The following SLC9A8 variants were observed in gnomAD, a reference collection of about 807,000 sequenced individuals.
The protein encoded by SLC9A8 is sodium/hydrogen exchanger 8.
In SLC9A8, 48 loss-of-function variants were observed where a neutral mutation model predicts 66.6. That is an observed-to-expected ratio of 0.72 (90% confidence interval 0.57 to 0.92). The LOEUF (loss-of-function observed/expected upper bound fraction) is 0.92, where lower values mean the gene tolerates loss of function less well. Ranked by LOEUF, SLC9A8 falls within the 40% of genes least tolerant of loss-of-function variation. The probability of loss-of-function intolerance (pLI) is 0.00; values close to 1 mark genes in which losing one functional copy is unlikely to be tolerated. For synonymous variants in SLC9A8, 274 were observed against 282.6 expected (o/e 0.97, Z 0.31); for missense variants, 599 against 747.3 (o/e 0.80, Z 2.31).
chr20:49,870,602 C>A (rs2089174856), intron 10 of SLC9A8, among the ~76,000 whole-genome samples: 1 of 152,100 alleles, frequency 6.6e-6, no homozygotes, highest in Non-Finnish European at 1.5e-5. Context: ...AGTATATGCA[C>A]CACGACAAGA....
chr20:49,885,935 A>AC (rs2089873675), intron 14 of SLC9A8, among the ~76,000 whole-genome samples: 1 of 152,162 alleles, frequency 6.6e-6, no homozygotes, highest in Non-Finnish European at 1.5e-5. Flanking sequence ...GCCCATTCAG[A>AC]CCTACTGAAT....
intron 7 of SLC9A8, among the ~76,000 whole-genome samples, chr20:49,853,027 A>G (rs17786130): frequency 0.078 from 11,862 of 152,224 alleles, 495 homozygotes; most frequent in African/African-American, 0.097. Context: ...CGTTGCCCCA[A>G]CCTTTTATTA....
chr20:49,855,412 T>C, intron 7 of SLC9A8, 26 bp from the exon 8 acceptor site: 3 of 1,611,256 alleles, frequency 1.9e-6, no homozygotes, highest in Non-Finnish European at 2.5e-6. Flanking sequence ...CATTACAGAA[T>C]CTCCCCTTCC....
intron 6 of SLC9A8, among the ~76,000 whole-genome samples, chr20:49,850,117 A>G (rs912642630): frequency 6.6e-6 from 1 of 152,192 alleles, no homozygotes; most frequent in Admixed American, 6.5e-5. Context: ...GAAATAATAA[A>G]ATCAAAGGTG....
In SLC9A8 at chr20:49,823,141, G is replaced by GGTGT; in HGVS notation, c.289+2_289+3insGTGT. ...AGAGAGTGTTGCTGTTGTTTCTTTA[G>GGTGT]GTAAGTGTGTATTGGTGATTCCATA... is the stretch of plus-strand genomic sequence containing the variant. On this transcript the variant is annotated frameshift_variant and splice_region_variant. Coordinates refer to ENST00000361573, the MANE Select transcript of SLC9A8 (RefSeq NM_015266.3). LOFTEE classifies it high-confidence loss of function. 6.2e-7 allele frequency: 1 copy of GGTGT among 1,608,546 alleles called. No individual in the cohort carries two copies. Among genetic ancestry groups the GGTGT allele is most frequent in the Non-Finnish European group, 8.5e-7 (1 of 1,176,088 alleles).
intron 5 of SLC9A8, among the ~76,000 whole-genome samples, chr20:49,847,582 G>A (rs1244177031): frequency 6.6e-6 from 1 of 152,036 alleles, no homozygotes; most frequent in Admixed American, 6.5e-5. Flanking sequence ...ATGATAGGAA[G>A]TAAAGTTTGA....
chr20:49,887,919 G>T lies in SLC9A8; in HGVS notation c.1729G>T (p.Glu577Ter), dbSNP rs368727852. ...GGGCCCCTCCGGCTCCGAGGACGAC[G>T]AGCAGGAGCTGCTCTGACGCCAGGT... Reference protein sequence around the residue: ...RQGPSGSEDDEQELL With the variant: ...RQGPSGSEDD The change falls in exon 16 of 16, where the codon GAG becomes TAG. Residue 577 changes from glutamate to a stop codon, truncating the protein, a stop_gained. Coordinates refer to ENST00000361573, the MANE Select transcript of SLC9A8 (RefSeq NM_015266.3). LOFTEE classifies it high-confidence loss of function. The T allele has an allele frequency of 6.2e-7, 1 of 1,613,594 alleles. No homozygotes were observed. The highest frequency in any genetic ancestry group is 8.5e-7 in the Non-Finnish European group (1 of 1,179,796).
chr20:49,813,173 C>G (rs575116329), intron 1 of SLC9A8, among the ~76,000 whole-genome samples: 1 of 152,344 alleles, frequency 6.6e-6, no homozygotes, highest in African/African-American at 2.4e-5. Flanking sequence ...GAATCTACTG[C>G]CCAGCGCAGG....
intron 3 of SLC9A8, among the ~76,000 whole-genome samples, chr20:49,838,691 C>T (rs1307448264): frequency 2.6e-5 from 4 of 152,162 alleles, no homozygotes; most frequent in African/African-American, 9.7e-5. Context: ...CTCCTTCCTC[C>T]ATGGGAAAGT....
At chr20:49,815,402 G>T in intron 2 of SLC9A8, 1 of 404,816 alleles carries the variant, frequency 2.5e-6, no homozygotes, top group Non-Finnish European at 4.3e-6. Context: ...CTGAAGAGCT[G>T]TTGATGTAAT....
At chr20:49,846,574 TTTA>T (rs1268797205) in intron 5 of SLC9A8, among the ~76,000 whole-genome samples, 1 of 151,956 alleles carries the variant, frequency 6.6e-6, no homozygotes, top group Non-Finnish European at 1.5e-5. Context: ...AAAAATGTCA[TTTA>T]TTATTAATAA....
At chr20:49,878,114 A>G (rs200054503) in intron 12 of SLC9A8, 51 bp downstream of exon 12, 2 of 1,083,974 alleles carry the variant, frequency 1.8e-6, no homozygotes, top group Non-Finnish European at 1.3e-6. Context: ...TTGTAGATCA[A>G]TAAACACATG....
rs769335195 is a variant in SLC9A8 at position 49,877,968 on chromosome 20, T to C, written c.1076-13T>C. On this transcript the variant is annotated splice_polypyrimidine_tract_variant and intron_variant, in intron 11 of 15. Transcript: ENST00000361573. ...CATTGGGGTTGAATAATCCATTCTT[T>C]GGTTTGTTTCAGAAACATGTGTGTT... 6.4e-7 allele frequency: 1 copy of C among 1,573,902 alleles called. No homozygotes were observed.
chr20:49,878,171 A>G lies in SLC9A8; in HGVS notation c.1158+108A>G, dbSNP rs113420971. The G allele has an allele frequency of 1.4e-3, 806 of 574,870 alleles. 4 individuals carry two copies. The African/African-American group carries it at 0.015, about 10-fold the overall frequency. 35.6% of individuals were successfully genotyped at this position (574,870 alleles called of 1,614,324 possible). On this transcript the variant is annotated intron_variant, in intron 12 of 15. Transcript: ENST00000361573. Reference sequence around the variant, plus strand: ...TGTTAACTGTTCAAAGTCAACAGCTACATAGACACTCTTTTGTTTAAAGTT... The same window carrying G: ...TGTTAACTGTTCAAAGTCAACAGCTGCATAGACACTCTTTTGTTTAAAGTT...
At chr20:49,829,909 T>A in intron 3 of SLC9A8, 1 of 576,954 alleles carries the variant, frequency 1.7e-6, no homozygotes, top group South Asian at 1.4e-5. Context: ...CCAAATCCCC[T>A]CTGAAAAGAA....
rs916945537 is a variant in SLC9A8, at chr20:49,892,201, T to C, written c.*4265T>C. On this transcript the variant is annotated 3_prime_UTR_variant, in exon 16 of 16. Transcript: ENST00000361573. ...ATAGATGTATGAACAGTCGTGTCAC[T>C]GGATGCCTATTTAGAAATAAAGTGT... The C allele has an allele frequency of 6.6e-6, 1 of 152,220 alleles. No homozygotes were observed. Among genetic ancestry groups the C allele is most frequent in the Non-Finnish European group, 1.5e-5 (1 of 68,056 alleles). 9.4% of individuals were successfully genotyped at this position (152,220 alleles called of 1,614,324 possible). A position where few individuals can be genotyped will look rare whatever the true frequency, so the allele number is the denominator to read the frequency against.
rs1239310507 is a variant in SLC9A8 at position 49,862,925 on chromosome 20, C to T, written c.714-4C>T. The T allele has an allele frequency of 1.2e-6, 2 of 1,603,222 alleles. No homozygotes were observed. The highest frequency in any genetic ancestry group is 1.3e-5 in the African/African-American group (1 of 74,432). On this transcript the variant is annotated splice_region_variant and splice_polypyrimidine_tract_variant and intron_variant, in intron 8 of 15. Coordinates refer to ENST00000361573, the MANE Select transcript of SLC9A8 (RefSeq NM_015266.3). ...ATTTATTTCTGTTTTCTTTCATTTC[C>T]TAGCACAGCTGAAGGTTTAACAAGA...
At chr20:49,818,499 T>A (rs559251387) in intron 2 of SLC9A8, among the ~76,000 whole-genome samples, 33 of 149,010 alleles carry the variant, frequency 2.2e-4, no homozygotes, top group Middle Eastern at 3.4e-3. Flanking sequence ...TTTTTTTTTT[T>A]TTTCCCCCTG....
intron 3 of SLC9A8, among the ~76,000 whole-genome samples, chr20:49,833,883 GA>G (rs978095146): frequency 2.0e-5 from 3 of 152,146 alleles, no homozygotes; most frequent in African/African-American, 7.2e-5. Context: ...AGGAGCAAAG[GA>G]AAATGTTAGA....
Sources: gnomAD v4.1 joint callset for allele counts (sites outside exome capture counted in the v4.1 genomes callset) on GRCh38, gnomAD v4.1.1 for gene constraint, MANE v1.5 for transcripts, NCBI Gene and HGNC (gene_info 2026-07-23, HGNC 2026-07-21) for gene names.